Variants in ACTR3C observed in about 807,000 individuals in gnomAD.
The protein encoded by ACTR3C is actin related protein 3C.
Under a neutral mutation model 26.3 loss-of-function variants are expected in ACTR3C, and 18 were observed. That is an observed-to-expected ratio of 0.68 (90% CI 0.47 to 1.01). The LOEUF (loss-of-function observed/expected upper bound fraction) is 1.01, where lower values mean the gene tolerates loss of function less well. ACTR3C is among the 50% of genes least tolerant of loss of function. The pLI is 0.00. For missense variants in ACTR3C, 184 were observed against 250.7 expected (o/e 0.73, Z 1.80); for synonymous variants, 55 against 94.5 (o/e 0.58, Z 2.42).
the ACTR3C span, among the ~76,000 whole-genome samples, chr7:149,889,023 A>G: frequency 6.6e-6 from 1 of 152,052 alleles, no homozygotes. Context: ...AAAAATAAAA[A>G]ATAATAAAAA....
chr7:149,937,336 G>C, the ACTR3C span, among the ~76,000 whole-genome samples: 1 of 150,462 alleles, frequency 6.6e-6, no homozygotes, highest in African/African-American at 2.5e-5. Flanking sequence ...TTGTTGAGAG[G>C]AGAGAGTAAT....
chr7:149,984,533 G>T, the ACTR3C span, among the ~76,000 whole-genome samples: 1 of 150,760 alleles, frequency 6.6e-6, no homozygotes, highest in Non-Finnish European at 1.5e-5. Flanking sequence ...TGCATTCCTT[G>T]CTACTAAACA....
chr7:150,059,577 T>C, the ACTR3C span, among the ~76,000 whole-genome samples: 1 of 152,120 alleles, frequency 6.6e-6, no homozygotes, highest in Non-Finnish European at 1.5e-5. Flanking sequence ...AGTATGAGTC[T>C]GAAAGAGGAG....
At chr7:149,953,919 C>T in the ACTR3C span, among the ~76,000 whole-genome samples, 15 of 138,358 alleles carry the variant, frequency 1.1e-4, no homozygotes, top group African/African-American at 1.9e-4. Flanking sequence ...TGGAACAATC[C>T]GCTTTGGCAT....
chr7:150,280,141 G>A (rs1239516591), intron 6 of ACTR3C, among the ~76,000 whole-genome samples: 7 of 152,198 alleles, frequency 4.6e-5, no homozygotes, highest in Non-Finnish European at 8.8e-5. Context: ...AGTCACCTGG[G>A]AAGCTTTTAC....
chr7:150,250,279 C>T (rs1384155057), intron 6 of ACTR3C, among the ~76,000 whole-genome samples: 3 of 149,088 alleles, frequency 2.0e-5, no homozygotes, highest in African/African-American at 7.6e-5. Context: ...TCTCGGCTCA[C>T]TGCAAGCTCT....
chr7:149,923,186 C>T, the ACTR3C span, among the ~76,000 whole-genome samples: 1 of 145,280 alleles, frequency 6.9e-6, no homozygotes, highest in African/African-American at 2.5e-5. Flanking sequence ...ATAAAGTGGA[C>T]TACATGGCAA....
chr7:149,981,379 A>G, the ACTR3C span, among the ~76,000 whole-genome samples: 1 of 151,874 alleles, frequency 6.6e-6, no homozygotes, highest in African/African-American at 2.4e-5. Context: ...CTCAGACCAA[A>G]TCTCTGATAA....
At chr7:149,947,907 C>T in the ACTR3C span, among the ~76,000 whole-genome samples, 3 of 151,584 alleles carry the variant, frequency 2.0e-5, no homozygotes, top group Non-Finnish European at 4.4e-5. Flanking sequence ...CTAGCTAAAT[C>T]CCCATCTGCT....
the ACTR3C span, among the ~76,000 whole-genome samples, chr7:149,948,951 C>T: frequency 2.0e-5 from 3 of 151,160 alleles, no homozygotes; most frequent in Non-Finnish European, 2.9e-5. Context: ...CTTGGGCTAT[C>T]GAAAGCACTG....
chr7:150,303,406 A>C (rs1359201210), intron 1 of ACTR3C, among the ~76,000 whole-genome samples: 1 of 152,136 alleles, frequency 6.6e-6, no homozygotes, highest in Non-Finnish European at 1.5e-5. Context: ...TCAGCACTGG[A>C]CTCTACTGCA....
chr7:149,883,888 G>C, the ACTR3C span, among the ~76,000 whole-genome samples: 1 of 152,112 alleles, frequency 6.6e-6, no homozygotes, highest in Non-Finnish European at 1.5e-5. Context: ...CAGGCTTCCC[G>C]AACCGTCTTC....
At chr7:150,253,264 G>A (rs1279576073) in intron 6 of ACTR3C, among the ~76,000 whole-genome samples, 1 of 152,172 alleles carries the variant, frequency 6.6e-6, no homozygotes, top group African/African-American at 2.4e-5. Context: ...CAGGGACAGA[G>A]CAAATTATCT....
the ACTR3C span, among the ~76,000 whole-genome samples, chr7:150,046,952 C>G: frequency 7.9e-5 from 12 of 152,164 alleles, no homozygotes; most frequent in South Asian, 1.9e-3. Flanking sequence ...GAGACAGACA[C>G]GGCCTGAGAG....
the ACTR3C span, among the ~76,000 whole-genome samples, chr7:150,038,832 T>C: frequency 1.3e-3 from 172 of 133,078 alleles, 1 homozygote; most frequent in Middle Eastern, 4.2e-3. Context: ...ATGGGGGTCC[T>C]AAGAGCCAGT....
chr7:150,089,955 G>T, the ACTR3C span, among the ~76,000 whole-genome samples: 3 of 152,114 alleles, frequency 2.0e-5, no homozygotes, highest in Non-Finnish European at 2.9e-5. Flanking sequence ...CCCAAGTCAA[G>T]CTCTCTTCAT....
downstream of ACTR3C, chr7:150,244,398 AG>A (rs1286304370): frequency 6.6e-6 from 1 of 151,648 alleles, no homozygotes; most frequent in Non-Finnish European, 1.5e-5. Flanking sequence ...AGATCTCTCT[AG>A]GTTTGTGGAA....
downstream of ACTR3C, among the ~76,000 whole-genome samples, chr7:150,238,968 T>A (rs1341639023): frequency 1.3e-5 from 2 of 151,472 alleles, no homozygotes; most frequent in Non-Finnish European, 2.9e-5. Flanking sequence ...TAGGTCTTAC[T>A]ATATTAATTA....
the ACTR3C span, among the ~76,000 whole-genome samples, chr7:149,970,095 A>G: frequency 0.92 from 139,874 of 152,072 alleles, 64,910 homozygotes; most frequent in Non-Finnish European, 0.99. Flanking sequence ...GAGTATATTC[A>G]GAAGGCAAAC....
Sources: gnomAD v4.1 joint callset for allele counts (sites outside exome capture counted in the v4.1 genomes callset) on GRCh38, gnomAD v4.1.1 for gene constraint, MANE v1.5 for transcripts, NCBI Gene and HGNC (gene_info 2026-07-23, HGNC 2026-07-21) for gene names.